The following ASIC2 variants were observed in gnomAD, a reference collection of about 807,000 sequenced individuals.
ASIC2 encodes acid sensing ion channel subunit 2.
In ASIC2, 25 loss-of-function variants were observed where a neutral mutation model predicts 57.3. The ratio of observed to expected loss-of-function variants is 0.44; its 90% confidence interval spans 0.32 to 0.61. The LOEUF is 0.61. Among genes scored for constraint, ASIC2 ranks in the 20% least tolerant of loss-of-function variants. The pLI is 0.06. For synonymous variants in ASIC2, 319 were observed against 307.5 expected, an observed-to-expected ratio of 1.04 and a Z score of -0.39; for missense variants, 641 against 738.1, an observed-to-expected ratio of 0.87 and a Z score of 1.52.
At chr17:33,506,364 G>T (rs931810469) in intron 1 of ASIC2, among the ~76,000 whole-genome samples, 1 of 149,794 alleles carries the variant, frequency 6.7e-6, no homozygotes, top group African/African-American at 2.5e-5. Flanking sequence ...AGCGAGCCAA[G>T]ATCTGGCCAC....
chr17:33,122,302 G>A lies in ASIC2; in HGVS notation c.709-10235C>T, dbSNP rs142617533. The stretch of plus-strand genomic sequence containing the variant: ...CCCAGACACTCTGGGATGTGGCTCC[G>A]AGGCTGCCACGTTCGGTGGAGCACA... On this transcript the variant is annotated intron_variant, in intron 1 of 9. Coordinates refer to ENST00000225823, the MANE Select transcript of ASIC2 (RefSeq NM_183377.2). 5.0e-3 allele frequency among the ~76,000 whole-genome samples: 760 copies of A among 152,240 alleles called. 7 individuals carry two copies. Among genetic ancestry groups the A allele is most frequent in the African/African-American group, 0.017 (719 of 41,530 alleles).
chr17:33,578,390 A>C (rs1208960848), intron 1 of ASIC2, among the ~76,000 whole-genome samples: 1 of 152,170 alleles, frequency 6.6e-6, no homozygotes, highest in Non-Finnish European at 1.5e-5. Context: ...AAACCAGATG[A>C]TTTCTAAAAT....
intron 1 of ASIC2, among the ~76,000 whole-genome samples, chr17:33,886,513 A>G (rs1462848756): frequency 1.3e-5 from 2 of 152,170 alleles, no homozygotes; most frequent in South Asian, 2.1e-4. Flanking sequence ...TCAAACACAC[A>G]CACATATACA....
In ASIC2 at chr17:33,568,519, G is replaced by A. The variant is rs924119708; in HGVS notation, c.556-456452C>T. Among the ~76,000 whole-genome samples the A allele has an allele frequency of 2.4e-4, 37 of 151,964 alleles. 1 individual carries two copies. Among genetic ancestry groups the A allele is most frequent in the African/African-American group, 8.9e-4 (37 of 41,344 alleles). On this transcript the variant is annotated intron_variant, in intron 1 of 9. Coordinates refer to the ASIC2 transcript ENST00000359872. ...GTGTTCTTGTCCCTCTCATTGGCCT[G>A]GTAAACTTCCGGAAATGGTACCTTC...
chr17:33,243,343 A>T lies in ASIC2; in HGVS notation c.708+48065T>A, dbSNP rs79902975. Among the ~76,000 whole-genome samples the T allele has an allele frequency of 8.6e-3, 1,315 of 152,316 alleles. 37 individuals are homozygous for T. The East Asian group carries it at 0.1, about 12-fold the overall frequency. ...ACAAAATGAGTCAGCTCAAAGGAAA[A>T]TATTTAGTAAATCGTAGGACTGCAG... On this transcript the variant is annotated intron_variant, in intron 1 of 9. Transcript: ENST00000225823.
At chr17:33,498,042 C>T (rs374913239) in intron 1 of ASIC2, among the ~76,000 whole-genome samples, 44 of 152,304 alleles carry the variant, frequency 2.9e-4, no homozygotes, top group African/African-American at 9.9e-4. Context: ...AGCATGATAC[C>T]GAGGGAGATG....
intron 1 of ASIC2, among the ~76,000 whole-genome samples, chr17:33,766,252 G>T (rs1910933402): frequency 6.6e-6 from 1 of 152,160 alleles, no homozygotes; most frequent in Non-Finnish European, 1.5e-5. Flanking sequence ...TAATTTATGA[G>T]TTAAACTTTA....
intron 1 of ASIC2, among the ~76,000 whole-genome samples, chr17:34,097,333 T>C (rs1910583299): frequency 6.6e-6 from 1 of 152,004 alleles, no homozygotes; most frequent in Non-Finnish European, 1.5e-5. Context: ...GGAAGAGTAG[T>C]TTGGGTTGGC....
chr17:33,865,624 G>A (rs1467272021), intron 1 of ASIC2, among the ~76,000 whole-genome samples: 1 of 151,478 alleles, frequency 6.6e-6, no homozygotes, highest in African/African-American at 2.4e-5. Context: ...TTTTTTGATA[G>A]CATTGGGAGA....
At chr17:33,194,191 G>A (rs751235964) in intron 1 of ASIC2, among the ~76,000 whole-genome samples, 2 of 152,106 alleles carry the variant, frequency 1.3e-5, no homozygotes, top group Admixed American at 6.5e-5. Flanking sequence ...GCTTTTCCAC[G>A]AATCTGAAAT....
At chr17:33,077,595 C>G (rs2092094352) in intron 3 of ASIC2, among the ~76,000 whole-genome samples, 1 of 151,850 alleles carries the variant, frequency 6.6e-6, no homozygotes, top group African/African-American at 2.4e-5. Context: ...AGGTGAGGGA[C>G]CAGAGGTATT....
intron 1 of ASIC2, among the ~76,000 whole-genome samples, chr17:33,362,055 A>C (rs72821121): frequency 0.091 from 13,857 of 152,250 alleles, 805 homozygotes; most frequent in Non-Finnish European, 0.13. Flanking sequence ...CTCGGGTAGA[A>C]CTAGTTGGGA....
At chr17:33,921,767 T>A (rs1016032018) in intron 1 of ASIC2, among the ~76,000 whole-genome samples, 4 of 152,346 alleles carry the variant, frequency 2.6e-5, no homozygotes, top group Admixed American at 2.6e-4. Context: ...TCAGTCCTGA[T>A]GACCTGGCAT....
intron 1 of ASIC2, among the ~76,000 whole-genome samples, chr17:33,790,622 C>T (rs905513126): frequency 3.3e-5 from 5 of 152,100 alleles, no homozygotes; most frequent in African/African-American, 1.2e-4. Context: ...GCCCTACAGA[C>T]TTTAGCTTTC....
At chr17:33,709,955 C>A (rs1182292447) in intron 1 of ASIC2, among the ~76,000 whole-genome samples, 1 of 152,130 alleles carries the variant, frequency 6.6e-6, no homozygotes, top group Non-Finnish European at 1.5e-5. Flanking sequence ...AGTATTTATA[C>A]CCCCTTCTTT....
intron 1 of ASIC2, among the ~76,000 whole-genome samples, chr17:33,644,569 A>C (rs985102421): frequency 2.6e-5 from 4 of 152,236 alleles, no homozygotes; most frequent in African/African-American, 2.4e-5. Flanking sequence ...TCTCACAGAA[A>C]CATAACCTTT....
intron 1 of ASIC2, among the ~76,000 whole-genome samples, chr17:33,789,464 TCA>T (rs3064584): frequency 0.064 from 9,280 of 144,222 alleles, 334 homozygotes; most frequent in Middle Eastern, 0.11. Flanking sequence ...AGAATCATGG[TCA>T]CACACACACA....
Position 33,905,497 on chromosome 17 carries a change from G to A in ASIC2, c.555+250481C>T, listed in dbSNP as rs1049730800. 1.6e-4 allele frequency among the ~76,000 whole-genome samples: 24 copies of A among 152,198 alleles called. 1 individual carries two copies. The highest frequency in any genetic ancestry group is 5.5e-4 in the African/African-American group (23 of 41,452). The stretch of plus-strand genomic sequence containing the variant: ...TTGTCCTCTGCTGCTGGCTTCAGAG[G>A]CATGTGCTGACATAGATAAGGAGTG... On this transcript the variant is annotated intron_variant, in intron 1 of 9. Coordinates refer to the ASIC2 transcript ENST00000359872.
chr17:33,312,257 G>A (rs1245736818), intron 1 of ASIC2, among the ~76,000 whole-genome samples: 10 of 152,126 alleles, frequency 6.6e-5, no homozygotes, highest in Admixed American at 6.5e-4. Context: ...GCTTTGAATG[G>A]TAGCCATTCT....
Sources: allele counts gnomAD v4.1 joint callset (sites outside exome capture counted in the v4.1 genomes callset), GRCh38; gene constraint gnomAD v4.1.1; transcripts MANE v1.5; gene names NCBI Gene and HGNC (gene_info 2026-07-23, HGNC 2026-07-21).